PDE4D: variants seen among roughly 807,000 people sequenced by gnomAD.
The protein encoded by PDE4D is 3',5'-cyclic-AMP phosphodiesterase 4D.
A neutral mutation model predicts 87.4 loss-of-function variants in PDE4D; 24 were observed. The ratio of observed to expected loss-of-function variants is 0.27; its 90% CI spans 0.20 to 0.39. The LOEUF is 0.39. Among genes scored for constraint, PDE4D ranks in the 10% least tolerant of loss-of-function variants. The probability of loss-of-function intolerance (pLI) is 1.00; values close to 1 mark genes in which losing one functional copy is unlikely to be tolerated. For missense variants in PDE4D, 714 were observed against 1,041.0 expected (o/e 0.69, Z 4.32); for synonymous variants, 384 against 383.2 (o/e 1.00, Z -0.02).
At position 59,062,299 on chromosome 5, in the gene PDE4D, T is replaced by C. The variant is rs1366635507; in HGVS notation, c.809-23328A>G. ...ATTTTCTCTAAAACCAGTATTTAGT[T>C]ATCTCCCATACATTGGCATATTGTG... On this transcript the variant is annotated intron_variant, in intron 5 of 14. Coordinates refer to ENST00000340635, the MANE Select transcript of PDE4D (RefSeq NM_001104631.2). Among the ~76,000 whole-genome samples, 3 of 152,124 alleles carry C rather than the reference T, an allele frequency of 2.0e-5. No homozygotes were observed. The South Asian group carries it at 6.2e-4, about 31-fold the overall frequency.
chr5:59,441,359 A>G (rs1335009918), intron 1 of PDE4D, among the ~76,000 whole-genome samples: 2 of 152,202 alleles, frequency 1.3e-5, no homozygotes, highest in African/African-American at 4.8e-5. Flanking sequence ...GGCCTCCCAA[A>G]GTGCTGCGAT....
At chr5:59,074,706 C>T (rs1477232660) in intron 5 of PDE4D, among the ~76,000 whole-genome samples, 5 of 152,122 alleles carry the variant, frequency 3.3e-5, no homozygotes, top group Admixed American at 6.5e-5. Context: ...TTGTAGTGAG[C>T]CAAGATCGTA....
intron 1 of PDE4D, among the ~76,000 whole-genome samples, chr5:59,438,795 GA>G (rs112978513): frequency 0.055 from 8,140 of 147,028 alleles, 729 homozygotes; most frequent in African/African-American, 0.19. Flanking sequence ...ATGATCCAAG[GA>G]AAAAAAAACA....
chr5:60,119,099 C>T (rs1485963210), intron 2 of PDE4D, among the ~76,000 whole-genome samples: 1 of 152,176 alleles, frequency 6.6e-6, no homozygotes, highest in Non-Finnish European at 1.5e-5. Context: ...AAGATAAAGT[C>T]CTTAAACCTT....
At chr5:60,288,309 G>A (rs1306647673) in intron 1 of PDE4D, among the ~76,000 whole-genome samples, 2 of 152,170 alleles carry the variant, frequency 1.3e-5, no homozygotes, top group African/African-American at 4.8e-5. Context: ...CATGGTGGTG[G>A]TCAGCTTCTA....
intron 1 of PDE4D, among the ~76,000 whole-genome samples, chr5:60,276,541 C>T (rs1163908547): frequency 2.0e-5 from 3 of 152,178 alleles, no homozygotes; most frequent in Admixed American, 6.5e-5. Flanking sequence ...CACAGACAGC[C>T]AACTACTCAA....
chr5:59,908,454 T>C (rs1397816546), intron 3 of PDE4D, among the ~76,000 whole-genome samples: 1 of 152,224 alleles, frequency 6.6e-6, no homozygotes, highest in Non-Finnish European at 1.5e-5. Flanking sequence ...ATAATTCCTC[T>C]GACAATTATT....
intron 3 of PDE4D, among the ~76,000 whole-genome samples, chr5:59,909,790 A>T (rs1292018986): frequency 6.6e-6 from 1 of 152,130 alleles, no homozygotes; most frequent in Non-Finnish European, 1.5e-5. Context: ...AGTCATTCCA[A>T]CATGCTATCC....
At chr5:59,043,275 G>C (rs1360023378) in intron 5 of PDE4D, among the ~76,000 whole-genome samples, 1 of 152,168 alleles carries the variant, frequency 6.6e-6, no homozygotes, top group Non-Finnish European at 1.5e-5. Context: ...TGTAATCCCA[G>C]CACTTTGGGA....
At chr5:60,401,153 C>G (rs1741046549) in intron 1 of PDE4D, among the ~76,000 whole-genome samples, 1 of 152,094 alleles carries the variant, frequency 6.6e-6, no homozygotes, top group African/African-American at 2.4e-5. Flanking sequence ...GTTTAGCAAA[C>G]TATCTTATGT....
intron 2 of PDE4D, among the ~76,000 whole-genome samples, chr5:60,016,039 G>GTA (rs1054998971): frequency 1.3e-4 from 19 of 151,880 alleles, no homozygotes; most frequent in Middle Eastern, 3.4e-3. Flanking sequence ...GTGTGTGTGT[G>GTA]TGTGTGTGTG....
intron 1 of PDE4D, chr5:59,357,071 A>G: frequency 2.3e-6 from 1 of 443,810 alleles, no homozygotes; most frequent in Middle Eastern, 5.6e-4. Flanking sequence ...TTTGCGACAG[A>G]GTTTGCTTCA....
At chr5:59,893,067 T>C in intron 1 of PDE4D, 101 bp downstream of exon 1, 1 of 1,202,534 alleles carries the variant, frequency 8.3e-7, no homozygotes, top group South Asian at 1.4e-5. Context: ...CATTTTACCC[T>C]GGGTCTAGAA....
intron 2 of PDE4D, among the ~76,000 whole-genome samples, chr5:60,184,991 C>A: frequency 6.6e-6 from 1 of 152,016 alleles, no homozygotes. Flanking sequence ...TAAAAAGTAT[C>A]ATGACTGTGG....
intron 1 of PDE4D, among the ~76,000 whole-genome samples, chr5:59,808,293 A>T (rs1767963678): frequency 6.6e-6 from 1 of 151,996 alleles, no homozygotes; most frequent in East Asian, 1.9e-4. Context: ...CTTCAACAGA[A>T]CTTTCTCTTT....
intron 6 of PDE4D, among the ~76,000 whole-genome samples, chr5:58,999,182 G>A (rs1250424418): frequency 6.6e-6 from 1 of 152,036 alleles, no homozygotes; most frequent in Non-Finnish European, 1.5e-5. Context: ...TAAGTAATTT[G>A]GCCCAATAAT....
intron 2 of PDE4D, among the ~76,000 whole-genome samples, chr5:60,079,508 G>A (rs1386556241): frequency 1.3e-5 from 2 of 152,040 alleles, no homozygotes; most frequent in African/African-American, 2.4e-5. Flanking sequence ...TATTGTTTTG[G>A]GTTTTACATT....
intron 2 of PDE4D, among the ~76,000 whole-genome samples, chr5:60,041,924 C>T (rs1471649875): frequency 6.7e-6 from 1 of 149,956 alleles, no homozygotes; most frequent in East Asian, 2.0e-4. Context: ...TTTTTTCATA[C>T]CACAGTGGCA....
At chr5:59,105,968 T>A (rs1771514831) in intron 5 of PDE4D, among the ~76,000 whole-genome samples, 1 of 152,210 alleles carries the variant, frequency 6.6e-6, no homozygotes, top group Admixed American at 6.5e-5. Flanking sequence ...TTCGTGTAAG[T>A]GTCCAGTTGC....
Sources: gnomAD v4.1 joint callset for allele counts (sites outside exome capture counted in the v4.1 genomes callset) on GRCh38, gnomAD v4.1.1 for gene constraint, MANE v1.5 for transcripts, NCBI Gene and HGNC (gene_info 2026-07-23, HGNC 2026-07-21) for gene names.